The following OAT variants were observed in gnomAD, a reference collection of about 807,000 sequenced individuals.
OAT encodes the protein ornithine aminotransferase, mitochondrial.
A neutral mutation model predicts 48.4 loss-of-function variants in OAT; 35 were observed. The observed-to-expected ratio is 0.72, with a 90% CI of 0.55 to 0.96. The LOEUF (loss-of-function observed/expected upper bound fraction) is 0.96, where lower values mean the gene tolerates loss of function less well. OAT is among the 40% of genes least tolerant of loss of function. OAT has a pLI of 0.00. For missense variants in OAT, 438 were observed against 537.9 expected, an observed-to-expected ratio of 0.81 and a Z score of 1.84; for synonymous variants, 182 against 198.4, an observed-to-expected ratio of 0.92 and a Z score of 0.70.
chr10:124,405,538 C>A lies in OAT; in HGVS notation c.546G>T (p.Leu182Phe), dbSNP rs144763058. The A allele has an allele frequency of 2.7e-5, 43 of 1,613,902 alleles. No individual in the cohort carries two copies. The African/African-American group carries it at 4.9e-4, about 19-fold the overall frequency. The change falls in exon 5 of 10, where the codon TTG becomes TTT. Residue 182 changes from leucine (L) to phenylalanine (F), a missense_variant. Leu to Phe is a conservative substitution (Grantham distance 22). Coordinates refer to ENST00000368845, the MANE Select transcript of OAT (RefSeq NM_000274.4). ...GGTCTGTGGAACTGGAGATAGCAGA[C>A]AACGTCCTACCCCAGAAGTTCCCAG... ...FAAGNFWGRT[L>F]SAISSSTDPT... is the part of the protein sequence containing the mutation.
chr10:124,408,400 G>T lies in OAT; in HGVS notation c.520+142C>A, dbSNP rs2674336. On this transcript the variant is annotated intron_variant, in intron 4 of 9. Coordinates refer to ENST00000368845, the MANE Select transcript of OAT (RefSeq NM_000274.4). ...GTCTCCCTATGTTGCCCAGAAGGCT[G>T]GTCTTGAACTCCAGGGCTCAAAGAC... The T allele has an allele frequency of 0.066, 35,652 of 544,282 alleles. 1,491 individuals are homozygous for T. Among genetic ancestry groups the T allele is most frequent in the African/African-American group, 0.13 (6,577 of 49,162 alleles). The allele number at this position is 544,282 out of a possible 1,614,324, so 33.7% of individuals were successfully genotyped here.
intron 4 of OAT, chr10:124,406,200 T>C: frequency 1.2e-6 from 1 of 861,018 alleles, no homozygotes; most frequent in Non-Finnish European, 1.4e-6. Context: ...TTTTAGATGT[T>C]GGGGAATAGA....
rs1311281508 is a variant in OAT, at chr10:124,418,894, C to T, written c.-51G>A. The stretch of plus-strand genomic sequence containing the variant: ...GTACCTGACAGCGCCTGAGGACAAC[C>T]GGGTACACGCGGCGTCTATGAAGCG... On this transcript the variant is annotated 5_prime_UTR_variant, in exon 1 of 10. Transcript: ENST00000368845. 6.6e-6 allele frequency: 1 copy of T among 152,262 alleles called. No homozygotes were observed. Among genetic ancestry groups the T allele is most frequent in the Non-Finnish European group, 1.5e-5 (1 of 68,104 alleles). The allele number at this position is 152,262 out of a possible 1,614,324, so 9.4% of individuals were successfully genotyped here. A position where few individuals can be genotyped will look rare whatever the true frequency, so the allele number is the denominator to read the frequency against.
chr10:124,405,406 G>A (rs1297587896), intron 5 of OAT, 30 bp downstream of exon 5: 3 of 1,612,194 alleles, frequency 1.9e-6, no homozygotes, highest in African/African-American at 1.3e-5. Flanking sequence ...TATTCCCAAT[G>A]AGCTGAGCAC....
At chr10:124,415,567 G>C (rs988953861) in intron 1 of OAT, among the ~76,000 whole-genome samples, 1 of 152,186 alleles carries the variant, frequency 6.6e-6, no homozygotes, top group Non-Finnish European at 1.5e-5. Flanking sequence ...TACTGTGCTT[G>C]GCACTGTATG....
intron 1 of OAT, among the ~76,000 whole-genome samples, chr10:124,413,267 TAC>T (rs58272470): frequency 0.13 from 18,086 of 134,506 alleles, 1,148 homozygotes; most frequent in African/African-American, 0.16. Context: ...CATAAATACA[TAC>T]ACACACACAC....
intron 4 of OAT, among the ~76,000 whole-genome samples, chr10:124,408,309 GTGTGTGTGTATATA>G (rs1488168925): frequency 5.1e-5 from 3 of 59,294 alleles, no homozygotes; most frequent in East Asian, 5.1e-4. Context: ...GTGTGTGTGT[GTGTGTGTGTATATA>G]TATATATATA....
intron 2 of OAT, among the ~76,000 whole-genome samples, chr10:124,409,876 T>C (rs1186347391): frequency 2.0e-5 from 3 of 152,180 alleles, no homozygotes; most frequent in Non-Finnish European, 4.4e-5. Context: ...AGATACCATC[T>C]CATACTCCCT....
rs550171931 is a variant in OAT, at chr10:124,412,437, G to A, written c.-29-237C>T. ...GAGGTGGGAGGATTGCTTGAGCCCG[G>A]AAGTTGAGGCTGCAGTGAGCTGAGA... On this transcript the variant is annotated intron_variant, in intron 1 of 9. Coordinates refer to ENST00000368845, the MANE Select transcript of OAT (RefSeq NM_000274.4). Among the ~76,000 whole-genome samples the A allele has an allele frequency of 5.9e-5, 9 of 151,870 alleles. 1 individual carries two copies. Among genetic ancestry groups the A allele is most frequent in the Admixed American group, 5.9e-4 (9 of 15,250 alleles).
rs769298560 is a variant in OAT, at chr10:124,403,889, A to C, written c.680T>G (p.Phe227Cys). The change falls in exon 6 of 10, where the codon TTC becomes TGC. Residue 227 changes from phenylalanine (F) to cysteine (C), a missense_variant. Physicochemically the swap from Phe to Cys is radical, Grantham distance 205. Coordinates refer to ENST00000368845, the MANE Select transcript of OAT (RefSeq NM_000274.4). ...TTCACCCTGAATTGGTTCTACCATG[A>C]ACGCAGCCACATTTGGATCCTGAAG... The part of the protein sequence containing the change: ...RALQDPNVAA[F>C]MVEPIQGEAG... 1 of 1,614,172 alleles carries C rather than the reference A, an allele frequency of 6.2e-7. No homozygotes were observed. Among genetic ancestry groups the C allele is most frequent in the South Asian group, 1.1e-5 (1 of 91,088 alleles).
intron 1 of OAT, among the ~76,000 whole-genome samples, chr10:124,418,519 C>T (rs1442274680): frequency 6.6e-6 from 1 of 152,212 alleles, no homozygotes; most frequent in Non-Finnish European, 1.5e-5. Flanking sequence ...CGGCTCCGCC[C>T]GGTCTGGCAG....
intron 5 of OAT, among the ~76,000 whole-genome samples, 180 bp downstream of exon 5, chr10:124,405,256 A>C (rs1951538679): frequency 6.6e-6 from 1 of 152,230 alleles, no homozygotes; most frequent in Non-Finnish European, 1.5e-5. Flanking sequence ...TAGATCACAG[A>C]ACTCAGCTTT....
chr10:124,406,018 A>G (rs1951567298), intron 4 of OAT: 1 of 1,037,926 alleles, frequency 9.6e-7, no homozygotes, highest in African/African-American at 1.7e-5. Context: ...AACAGAATGC[A>G]TTTCCAATTT....
At chr10:124,404,410 G>T (rs1024856998) in intron 5 of OAT, among the ~76,000 whole-genome samples, 6 of 151,932 alleles carry the variant, frequency 3.9e-5, no homozygotes, top group African/African-American at 1.5e-4. Flanking sequence ...TGGGATTACA[G>T]GCGCACAGCA....
At position 124,405,973 on chromosome 10, in the gene OAT, G is replaced by A. The variant is rs1169823387; in HGVS notation, c.521-410C>T. 3 of 1,089,410 alleles carry A rather than the reference G, an allele frequency of 2.8e-6. No individual in the cohort carries two copies. The East Asian group carries it at 2.2e-4, about 80-fold the overall frequency. The allele number at this position is 1,089,410 out of a possible 1,614,324, so 67.5% of individuals were successfully genotyped here. Reference sequence around the variant, plus strand: ...GAATATCCTTCATAGACAATTAGCGGTTTTCCTTTCAAAACTCCAATACTG... The same window carrying A: ...GAATATCCTTCATAGACAATTAGCGATTTTCCTTTCAAAACTCCAATACTG... On this transcript the variant is annotated intron_variant, in intron 4 of 9. Coordinates refer to ENST00000368845, the MANE Select transcript of OAT (RefSeq NM_000274.4).
chr10:124,400,893 G>A lies in OAT; in HGVS notation c.1106C>T (p.Thr369Ile), dbSNP rs1951388260. 1.2e-6 allele frequency: 2 copies of A among 1,606,548 alleles called. No individual in the cohort carries two copies. Among genetic ancestry groups the A allele is most frequent in the South Asian group, 1.1e-5 (1 of 90,792 alleles). ...ELMKLPSDVVTAVRGKGLLNA... is the reference protein window; with the variant it reads ...ELMKLPSDVVIAVRGKGLLNA... ...TAATAATCCTTTTCCTCTTACGGCAGTTACAACATCAGAAGGTAGCTTCAT... is the reference window on the plus strand; with the variant it reads ...TAATAATCCTTTTCCTCTTACGGCAATTACAACATCAGAAGGTAGCTTCAT... Residue 369 changes from threonine to isoleucine, a missense_variant, in exon 9 of 10, where the codon ACT (threonine) becomes ATT (isoleucine). Transcript: ENST00000368845.
chr10:124,398,659 CA>C (rs33917094), intron 9 of OAT, among the ~76,000 whole-genome samples: 30,430 of 131,966 alleles, frequency 0.23, 3,237 homozygotes, highest in African/African-American at 0.26. Flanking sequence ...AAGACCAAGC[CA>C]AAAAAAAAAA....
At position 124,401,890 on chromosome 10, in the gene OAT, T is replaced by C. The variant is rs745854765; in HGVS notation, c.901-51A>G. On this transcript the variant is annotated intron_variant, in intron 7 of 9. Transcript: ENST00000368845. ...CATTTCTCAGCACTAAGCATTCTACTAAGCATCCTTTTCCCCAGAGTCTCG... is the reference window on the plus strand; with the variant it reads ...CATTTCTCAGCACTAAGCATTCTACCAAGCATCCTTTTCCCCAGAGTCTCG... 6 of 1,357,276 alleles carry C rather than the reference T, an allele frequency of 4.4e-6. No individual in the cohort carries two copies. The Admixed American group carries it at 6.9e-5, about 16-fold the overall frequency. The allele number at this position is 1,357,276 out of a possible 1,614,324, so 84.1% of individuals were successfully genotyped here.
intron 9 of OAT, among the ~76,000 whole-genome samples, chr10:124,398,789 G>C (rs1951310941): frequency 1.3e-5 from 2 of 151,914 alleles, no homozygotes; most frequent in African/African-American, 4.8e-5. Context: ...GGCCGAGGTG[G>C]GCAGATCATG....
Sources: allele counts gnomAD v4.1 joint callset (sites outside exome capture counted in the v4.1 genomes callset), GRCh38; gene constraint gnomAD v4.1.1; transcripts MANE v1.5; gene names NCBI Gene and HGNC (gene_info 2026-07-23, HGNC 2026-07-21).